GALNT13: variants seen among roughly 807,000 people sequenced by gnomAD.
The protein encoded by GALNT13 is UDP-GalNAc:polypeptide N-acetylgalactosaminyltransferase 13.
GALNT13 carries 28 observed loss-of-function variants against 64.2 expected under a neutral mutation model. The observed-to-expected ratio is 0.44, with a 90% CI of 0.32 to 0.60. The LOEUF (loss-of-function observed/expected upper bound fraction) is 0.60. Among genes scored for constraint, GALNT13 ranks in the 20% least tolerant of loss-of-function variants. The pLI is 0.05. For synonymous variants in GALNT13, 214 were observed against 224.6 expected, an observed-to-expected ratio of 0.95 and a Z score of 0.42; for missense variants, 577 against 669.8, an observed-to-expected ratio of 0.86 and a Z score of 1.53.
the GALNT13 span, among the ~76,000 whole-genome samples, chr2:153,134,735 G>C: frequency 1.3e-5 from 2 of 152,064 alleles, no homozygotes; most frequent in African/African-American, 4.8e-5. Context: ...GAAGCTTTGT[G>C]CCAGACTCTT....
At chr2:154,253,230 C>T (rs964146964) in intron 7 of GALNT13, among the ~76,000 whole-genome samples, 1 of 152,130 alleles carries the variant, frequency 6.6e-6, no homozygotes, top group African/African-American at 2.4e-5. Context: ...GAAGTCCAGA[C>T]TTCTAACAAC....
At chr2:154,428,281 G>A (rs555475684) in intron 11 of GALNT13, among the ~76,000 whole-genome samples, 5 of 152,234 alleles carry the variant, frequency 3.3e-5, no homozygotes, top group African/African-American at 1.2e-4. Flanking sequence ...CGGACATATT[G>A]GGAATCCTGT....
the GALNT13 span, among the ~76,000 whole-genome samples, chr2:153,309,935 CA>C: frequency 1.4e-3 from 214 of 151,828 alleles, 4 homozygotes; most frequent in East Asian, 0.038. Flanking sequence ...TCTAGGCTAT[CA>C]AAAAAAACTT....
At chr2:153,090,657 C>T in the GALNT13 span, among the ~76,000 whole-genome samples, 1 of 152,044 alleles carries the variant, frequency 6.6e-6, no homozygotes, top group Admixed American at 6.6e-5. Flanking sequence ...AGTTGGACAG[C>T]ATATGGGAAG....
At chr2:154,416,626 A>G (rs2105411373) in intron 11 of GALNT13, among the ~76,000 whole-genome samples, 1 of 152,272 alleles carries the variant, frequency 6.6e-6, no homozygotes, top group African/African-American at 2.4e-5. Context: ...CAAAGAAAAG[A>G]AACGTTTCAC....
intron 3 of GALNT13, among the ~76,000 whole-genome samples, chr2:153,955,871 C>G (rs1270307564): frequency 6.6e-6 from 1 of 152,186 alleles, no homozygotes; most frequent in East Asian, 1.9e-4. Flanking sequence ...TTGAAGTCCT[C>G]TGGCTCTGGG....
intron 4 of GALNT13, among the ~76,000 whole-genome samples, chr2:154,212,005 A>T (rs1687800226): frequency 6.6e-6 from 1 of 152,174 alleles, no homozygotes; most frequent in Non-Finnish European, 1.5e-5. Context: ...GTACCAAAGA[A>T]AAAACTAAAA....
intron 4 of GALNT13, among the ~76,000 whole-genome samples, chr2:154,219,839 A>T (rs992827453): frequency 7.9e-5 from 12 of 152,202 alleles, no homozygotes; most frequent in African/African-American, 2.9e-4. Flanking sequence ...GATTTGCAGA[A>T]GCTTTAAGGG....
At chr2:153,382,187 GCTTCAGGAC>G in the GALNT13 span, among the ~76,000 whole-genome samples, 17 of 151,908 alleles carry the variant, frequency 1.1e-4, no homozygotes, top group Admixed American at 1.1e-3. Flanking sequence ...TTATCTATCT[GCTTCAGGAC>G]CTTTTTTGTT....
chr2:154,060,908 G>C (rs532595965), intron 3 of GALNT13, among the ~76,000 whole-genome samples: 21 of 152,018 alleles, frequency 1.4e-4, no homozygotes, highest in Non-Finnish European at 2.8e-4. Context: ...AGTAGATTTG[G>C]AGAGACACAC....
the GALNT13 span, among the ~76,000 whole-genome samples, chr2:153,562,934 T>C: frequency 6.6e-6 from 1 of 152,180 alleles, no homozygotes. Context: ...AGTTGCGTGA[T>C]GTACCTTTGC....
At chr2:154,288,005 G>T (rs1692373601) in intron 8 of GALNT13, among the ~76,000 whole-genome samples, 1 of 151,980 alleles carries the variant, frequency 6.6e-6, no homozygotes, top group African/African-American at 2.4e-5. Flanking sequence ...CCCTGTATTA[G>T]TCCGTTCTCA....
chr2:153,071,088 A>G, the GALNT13 span, among the ~76,000 whole-genome samples: 2 of 152,186 alleles, frequency 1.3e-5, no homozygotes, highest in Non-Finnish European at 2.9e-5. Flanking sequence ...TAGAAAAACT[A>G]CAGTTGAAGA....
chr2:153,072,521 C>T, the GALNT13 span, among the ~76,000 whole-genome samples: 1 of 152,168 alleles, frequency 6.6e-6, no homozygotes, highest in Non-Finnish European at 1.5e-5. Flanking sequence ...CGGTACTTCT[C>T]CCTAAAATAT....
the GALNT13 span, among the ~76,000 whole-genome samples, chr2:153,184,585 C>T: frequency 1.8e-4 from 27 of 151,966 alleles, no homozygotes; most frequent in Non-Finnish European, 3.4e-4. Context: ...CCATTCAGTA[C>T]GATGTTGGTT....
the GALNT13 span, among the ~76,000 whole-genome samples, chr2:153,123,046 G>A: frequency 1.3e-5 from 2 of 152,078 alleles, no homozygotes; most frequent in African/African-American, 4.8e-5. Context: ...AATCCCATGT[G>A]AAGATACAGA....
At chr2:154,445,772 TG>T in intron 12 of GALNT13, 1 of 1,279,690 alleles carries the variant, frequency 7.8e-7, no homozygotes, top group Non-Finnish European at 1.0e-6. Flanking sequence ...TTGTCTGCAC[TG>T]GTCTTTCACT....
the GALNT13 span, among the ~76,000 whole-genome samples, chr2:153,394,249 C>T: frequency 6.6e-6 from 1 of 152,022 alleles, no homozygotes; most frequent in Non-Finnish European, 1.5e-5. Flanking sequence ...TTTTGTAAAC[C>T]TCTATGATGT....
the GALNT13 span, among the ~76,000 whole-genome samples, chr2:153,350,975 T>G: frequency 6.6e-6 from 1 of 152,150 alleles, no homozygotes; most frequent in South Asian, 2.1e-4. Flanking sequence ...TTTGTAATCT[T>G]CTGTTAAAAA....
Sources: gnomAD v4.1 joint callset for allele counts (sites outside exome capture counted in the v4.1 genomes callset) on GRCh38, gnomAD v4.1.1 for gene constraint, MANE v1.5 for transcripts, NCBI Gene and HGNC (gene_info 2026-07-23, HGNC 2026-07-21) for gene names.